Variants in NOL4 observed in about 807,000 individuals in gnomAD.
NOL4 encodes cancer/testis antigen 125.
In NOL4, 17 loss-of-function variants were observed where a neutral mutation model predicts 75.9. The ratio of observed to expected loss-of-function variants is 0.22; its 90% CI spans 0.15 to 0.34. The LOEUF is 0.34. NOL4 is among the 10% of genes least tolerant of loss of function. The probability of loss-of-function intolerance (pLI) is 1.00; values close to 1 mark genes in which losing one functional copy is unlikely to be tolerated. For synonymous variants in NOL4, 292 were observed against 289.9 expected (o/e 1.01, Z -0.07); for missense variants, 614 against 793.5 (o/e 0.77, Z 2.72).
At chr18:34,161,238 C>T (rs937897386) in intron 1 of NOL4, among the ~76,000 whole-genome samples, 2 of 152,094 alleles carry the variant, frequency 1.3e-5, no homozygotes, top group Admixed American at 1.3e-4. Context: ...AGGATGATAT[C>T]ATATCTTGGC....
intron 8 of NOL4, among the ~76,000 whole-genome samples, chr18:33,950,820 G>A (rs2069167347): frequency 6.6e-6 from 1 of 152,094 alleles, no homozygotes; most frequent in South Asian, 2.1e-4. Flanking sequence ...GACAGTGCAG[G>A]TTTCCCAGGA....
At chr18:33,876,772 G>T (rs181410296) in intron 10 of NOL4, among the ~76,000 whole-genome samples, 8 of 152,166 alleles carry the variant, frequency 5.3e-5, no homozygotes, top group Non-Finnish European at 1.0e-4. Flanking sequence ...CTGCCTTTCT[G>T]TGATTAAAAC....
At chr18:33,958,923 AT>A (rs571047819) in intron 6 of NOL4, among the ~76,000 whole-genome samples, 1 of 152,162 alleles carries the variant, frequency 6.6e-6, no homozygotes, top group Non-Finnish European at 1.5e-5. Flanking sequence ...GGGATGTTCA[AT>A]TAACTTACCC....
intron 5 of NOL4, among the ~76,000 whole-genome samples, chr18:34,069,536 T>G (rs762320425): frequency 1.3e-5 from 2 of 151,772 alleles, no homozygotes; most frequent in African/African-American, 4.8e-5. Context: ...AACCCATAGA[T>G]CTAAGAAGCT....
At chr18:34,068,461 G>A (rs1326394101) in intron 5 of NOL4, among the ~76,000 whole-genome samples, 11 of 151,948 alleles carry the variant, frequency 7.2e-5, no homozygotes, top group Non-Finnish European at 4.4e-5. Context: ...GTGCAGTGGC[G>A]CGAGCTTGGC....
chr18:34,217,909 G>A (rs529471445), intron 1 of NOL4, among the ~76,000 whole-genome samples: 6 of 151,928 alleles, frequency 3.9e-5, no homozygotes, highest in East Asian at 1.9e-4. Context: ...AACTTTAGCC[G>A]ACCCAGAACT....
chr18:33,988,228 G>C (rs925183154), intron 6 of NOL4, among the ~76,000 whole-genome samples: 2 of 152,078 alleles, frequency 1.3e-5, no homozygotes, highest in Non-Finnish European at 2.9e-5. Context: ...CCCTTAGCCA[G>C]AGAAGTAAAA....
At chr18:33,882,094 T>C (rs1332214708) in intron 10 of NOL4, among the ~76,000 whole-genome samples, 2 of 152,108 alleles carry the variant, frequency 1.3e-5, no homozygotes, top group East Asian at 1.9e-4. Context: ...CCTAAAACCA[T>C]AAAAACCCTA....
At chr18:34,095,407 A>G (rs751509809) in intron 4 of NOL4, among the ~76,000 whole-genome samples, 4 of 152,096 alleles carry the variant, frequency 2.6e-5, no homozygotes, top group African/African-American at 7.2e-5. Flanking sequence ...TAGATGATAC[A>G]GATATCTATT....
intron 8 of NOL4, among the ~76,000 whole-genome samples, chr18:33,952,116 T>G (rs143544778): frequency 1.6e-3 from 248 of 152,310 alleles, no homozygotes; most frequent in African/African-American, 5.6e-3. Context: ...TGTTATATTA[T>G]ATTCAGGATT....
intron 10 of NOL4, among the ~76,000 whole-genome samples, chr18:33,859,180 G>A (rs1476660377): frequency 6.6e-6 from 1 of 151,694 alleles, no homozygotes; most frequent in African/African-American, 2.4e-5. Flanking sequence ...TTAAATCATT[G>A]GTTCATTAAC....
chr18:33,899,566 T>C (rs536571882), intron 9 of NOL4, among the ~76,000 whole-genome samples: 2 of 152,258 alleles, frequency 1.3e-5, no homozygotes, highest in East Asian at 1.9e-4. Context: ...GACTTTTTCC[T>C]CCAGGGACCC....
chr18:34,029,210 C>G (rs2075508190), intron 5 of NOL4, among the ~76,000 whole-genome samples: 2 of 152,068 alleles, frequency 1.3e-5, no homozygotes, highest in Non-Finnish European at 2.9e-5. Context: ...TATATGATAT[C>G]TCAGTATGAA....
rs112354114 is a variant in NOL4, at chr18:33,853,191, T to A, written c.1724-156A>T. ...CAAATACATCTACTCTCAGAAAGAT[T>A]AATGAGCAATGTAATGGTAACCGAG... is the stretch of plus-strand genomic sequence containing the variant. On this transcript the variant is annotated intron_variant, in intron 10 of 10. Coordinates refer to ENST00000261592, the MANE Select transcript of NOL4 (RefSeq NM_003787.5). Among the ~76,000 whole-genome samples, 7 of 152,258 alleles carry A rather than the reference T, an allele frequency of 4.6e-5. 1 individual carries two copies. The highest frequency in any genetic ancestry group is 1.7e-4 in the African/African-American group (7 of 41,570).
intron 6 of NOL4, 26 bp downstream of exon 6, chr18:34,019,292 T>G: frequency 6.3e-7 from 1 of 1,598,676 alleles, no homozygotes; most frequent in Non-Finnish European, 8.5e-7. Flanking sequence ...AACTCAAAAA[T>G]TCTGGAAATT....
chr18:34,167,371 A>T (rs1248591388), intron 1 of NOL4, among the ~76,000 whole-genome samples: 1 of 152,066 alleles, frequency 6.6e-6, no homozygotes, highest in Non-Finnish European at 1.5e-5. Context: ...ATTGTTAAAC[A>T]CTTCTCTAAT....
At chr18:33,913,041 C>T (rs1006178356) in intron 9 of NOL4, among the ~76,000 whole-genome samples, 1 of 151,962 alleles carries the variant, frequency 6.6e-6, no homozygotes, top group African/African-American at 2.4e-5. Context: ...AAAGTTAGGA[C>T]ATTTATTCTT....
Position 33,852,908 on chromosome 18 carries a change from T to A in NOL4, c.1851A>T (p.Arg617=). The A allele has an allele frequency of 6.2e-7, 1 of 1,613,216 alleles. No individual in the cohort carries two copies. The highest frequency in any genetic ancestry group is 8.5e-7 in the Non-Finnish European group (1 of 1,179,484). ...NAVRQLVAGY[R]ESAAFLLRSA... ...ATCGCAATAAAAATGCAGCTGATTC[T>A]CGATATCCTGCAACAAGCTGTCTCA... is the stretch of plus-strand genomic sequence containing the variant. Residue 617 remains arginine (R), a synonymous_variant, in exon 11 of 11, where the codon CGA becomes CGT. Transcript: ENST00000261592.
chr18:33,943,194 G>A lies in NOL4; in HGVS notation c.1429-16C>T. 1 of 1,533,532 alleles carries A rather than the reference G, an allele frequency of 6.5e-7. No homozygotes were observed. Among genetic ancestry groups the A allele is most frequent in the South Asian group, 1.1e-5 (1 of 88,524 alleles). The allele number at this position is 1,533,532 out of a possible 1,614,324, so 95.0% of individuals were successfully genotyped here. A position where few individuals can be genotyped will look rare whatever the true frequency, so the allele number is the denominator to read the frequency against. ...TAGGTCGAGACTAAAAAAAAAAAGAGAAAAGTATGAAAAAAATTATTAACA... is the reference window on the plus strand; with the variant it reads ...TAGGTCGAGACTAAAAAAAAAAAGAAAAAAGTATGAAAAAAATTATTAACA... On this transcript the variant is annotated splice_polypyrimidine_tract_variant and intron_variant, in intron 8 of 10. Coordinates refer to ENST00000261592, the MANE Select transcript of NOL4 (RefSeq NM_003787.5).
Sources: allele counts gnomAD v4.1 joint callset (sites outside exome capture counted in the v4.1 genomes callset), GRCh38; gene constraint gnomAD v4.1.1; transcripts MANE v1.5; gene names NCBI Gene and HGNC (gene_info 2026-07-23, HGNC 2026-07-21).